The following CRTAC1 variants were observed in gnomAD, a reference collection of about 807,000 sequenced individuals.
CRTAC1 encodes the protein acidic secreted protein in cartilage.
A neutral mutation model predicts 67.8 loss-of-function variants in CRTAC1; 37 were observed. The ratio of observed to expected loss-of-function variants is 0.55; its 90% confidence interval spans 0.42 to 0.72. CRTAC1 has a LOEUF of 0.72. Ranked by LOEUF, CRTAC1 falls within the 30% of genes least tolerant of loss-of-function variation. The probability of loss-of-function intolerance (pLI) is 0.00; values close to 1 mark genes in which losing one functional copy is unlikely to be tolerated. For synonymous variants in CRTAC1, 348 were observed against 371.0 expected, an observed-to-expected ratio of 0.94 and a Z score of 0.71; for missense variants, 780 against 931.6, an observed-to-expected ratio of 0.84 and a Z score of 2.12.
chr10:97,890,546 A>G (rs1221820702), intron 11 of CRTAC1, among the ~76,000 whole-genome samples: 3 of 152,250 alleles, frequency 2.0e-5, no homozygotes, highest in Non-Finnish European at 2.9e-5. Context: ...ATAAAGGCAT[A>G]TCACAAGCAT....
chr10:98,028,833 T>C (rs1843295678), intron 1 of CRTAC1, among the ~76,000 whole-genome samples: 2 of 151,984 alleles, frequency 1.3e-5, no homozygotes, highest in African/African-American at 2.4e-5. Flanking sequence ...ACCCTAGGAG[T>C]TTGAACATCC....
chr10:97,888,171 C>T (rs1364960237), intron 11 of CRTAC1, among the ~76,000 whole-genome samples: 1 of 152,180 alleles, frequency 6.6e-6, no homozygotes, highest in Non-Finnish European at 1.5e-5. Context: ...TGGGATTCAA[C>T]AGAGAATGAG....
chr10:97,964,499 C>T (rs1324249034), intron 2 of CRTAC1, among the ~76,000 whole-genome samples: 1 of 152,176 alleles, frequency 6.6e-6, no homozygotes, highest in Admixed American at 6.5e-5. Context: ...ATAAAACACT[C>T]ATAGGAGAAA....
chr10:97,996,585 C>G (rs1350515840), intron 2 of CRTAC1, among the ~76,000 whole-genome samples: 1 of 152,182 alleles, frequency 6.6e-6, no homozygotes, highest in Non-Finnish European at 1.5e-5. Context: ...CAGGAAACAA[C>G]GGGTGCTGGA....
chr10:97,930,459 G>A (rs891918322), intron 3 of CRTAC1, among the ~76,000 whole-genome samples: 23 of 152,182 alleles, frequency 1.5e-4, no homozygotes, highest in African/African-American at 5.3e-4. Context: ...GAGCCATAGG[G>A]CCATACATCT....
At chr10:97,947,254 G>A (rs2136627290) in intron 2 of CRTAC1, among the ~76,000 whole-genome samples, 1 of 152,298 alleles carries the variant, frequency 6.6e-6, no homozygotes, top group Non-Finnish European at 1.5e-5. Context: ...GACGCACATG[G>A]CATATGATGT....
intron 1 of CRTAC1, among the ~76,000 whole-genome samples, chr10:98,026,608 C>T (rs1035483078): frequency 3.3e-5 from 5 of 152,018 alleles, no homozygotes; most frequent in Admixed American, 1.3e-4. Context: ...TTTTCCTCTC[C>T]GGTGGTCCAC....
chr10:97,917,384 G>A, intron 5 of CRTAC1, 116 bp downstream of exon 5: 1 of 788,924 alleles, frequency 1.3e-6, no homozygotes, highest in Non-Finnish European at 1.8e-6. Flanking sequence ...CCCCTCACCA[G>A]GGACATAAGG....
At chr10:98,001,841 A>G (rs962284244) in intron 2 of CRTAC1, among the ~76,000 whole-genome samples, 9 of 152,260 alleles carry the variant, frequency 5.9e-5, no homozygotes, top group African/African-American at 1.9e-4. Flanking sequence ...GAATCACAAC[A>G]AAGTGATAAG....
chr10:97,988,303 CAA>C (rs2052018411), intron 2 of CRTAC1, among the ~76,000 whole-genome samples: 1 of 152,158 alleles, frequency 6.6e-6, no homozygotes, highest in South Asian at 2.1e-4. Context: ...CTATTGCAAT[CAA>C]AAGAGTTCTG....
At chr10:97,873,807 A>G (rs562797979) in intron 14 of CRTAC1, among the ~76,000 whole-genome samples, 21 of 152,302 alleles carry the variant, frequency 1.4e-4, no homozygotes, top group African/African-American at 5.1e-4. Flanking sequence ...AACGGGTGAT[A>G]CAGATTCTCC....
chr10:97,910,500 A>G (rs142490156), intron 5 of CRTAC1, among the ~76,000 whole-genome samples: 3,543 of 152,284 alleles, frequency 0.023, 130 homozygotes, highest in African/African-American at 0.078. Context: ...GTACTGCTCT[A>G]AAGGGTTGTT....
chr10:97,895,953 T>TC lies in CRTAC1; in HGVS notation c.1248dup (p.Met417AspfsTer46). On this transcript the variant is annotated frameshift_variant, in exon 10 of 15. Coordinates refer to ENST00000370597, the MANE Select transcript of CRTAC1 (RefSeq NM_018058.7). LOFTEE classifies it high-confidence loss of function. This position sits in a 1 kb window ranked among gnomAD's most constrained non-coding sequence, Gnocchi z 4.2. Reference sequence around the variant, plus strand: ...CCATGGGACAAGATGAGGTCCAGCATCCCGTCTCCGTCGAAGTCGGTCACC... The same window carrying TC: ...CCATGGGACAAGATGAGGTCCAGCATCCCCGTCTCCGTCGAAGTCGGTCACC... The TC allele has an allele frequency of 6.2e-7, 1 of 1,614,100 alleles. No homozygotes were observed. The highest frequency in any genetic ancestry group is 8.5e-7 in the Non-Finnish European group (1 of 1,179,996).
chr10:97,971,497 G>A (rs529233774), intron 2 of CRTAC1, among the ~76,000 whole-genome samples: 30 of 152,304 alleles, frequency 2.0e-4, no homozygotes, highest in African/African-American at 6.3e-4. Flanking sequence ...GCCAGGGGCC[G>A]GCGCGAGGAG....
At position 98,006,902 on chromosome 10, in the gene CRTAC1, T is replaced by G. The variant is rs1308506286; in HGVS notation, c.224+4236A>C. ...AATTTTTCAAAATTTCAACTCCTGCTACATGATTCTTAAACAGTGAGTTGA... is the reference window on the plus strand; with the variant it reads ...AATTTTTCAAAATTTCAACTCCTGCGACATGATTCTTAAACAGTGAGTTGA... On this transcript the variant is annotated intron_variant, in intron 2 of 14. Coordinates refer to ENST00000370597, the MANE Select transcript of CRTAC1 (RefSeq NM_018058.7). 2.0e-5 allele frequency among the ~76,000 whole-genome samples: 3 copies of G among 152,238 alleles called. No homozygotes were observed. The East Asian group carries it at 5.8e-4, about 29-fold the overall frequency.
In CRTAC1 at chr10:97,954,998, A is replaced by G. The variant is rs148224892; in HGVS notation, c.225-18632T>C. Among the ~76,000 whole-genome samples the G allele has an allele frequency of 5.9e-5, 9 of 152,276 alleles. No individual in the cohort carries two copies. The East Asian group carries it at 1.7e-3, about 29-fold the overall frequency. ...CTCTTTGGGGGACCACCATTCAACC[A>G]CTACATCCCCTCTGAATTGACACTT... On this transcript the variant is annotated intron_variant, in intron 2 of 14. Transcript: ENST00000370597.
At chr10:98,009,589 T>C (rs980715153) in intron 2 of CRTAC1, among the ~76,000 whole-genome samples, 8 of 152,214 alleles carry the variant, frequency 5.3e-5, no homozygotes, top group Admixed American at 1.3e-4. Context: ...ATAGGGTTTA[T>C]AGATACTAGG....
chr10:97,897,636 G>A (rs754720907), intron 8 of CRTAC1, among the ~76,000 whole-genome samples: 33 of 152,192 alleles, frequency 2.2e-4, no homozygotes, highest in Non-Finnish European at 4.1e-4. Flanking sequence ...GAGGAAAGGG[G>A]TCCCTTTGGG....
At position 98,030,326 on chromosome 10, in the gene CRTAC1, T is replaced by A. The variant is rs1233999133; in HGVS notation, c.24+123A>T. 3.4e-6 allele frequency: 2 copies of A among 585,412 alleles called. No homozygotes were observed. The highest frequency in any genetic ancestry group is 5.2e-6 in the Non-Finnish European group (2 of 386,894). 36.3% of individuals were successfully genotyped at this position (585,412 alleles called of 1,614,324 possible). On this transcript the variant is annotated intron_variant, in intron 1 of 14. Transcript: ENST00000370597. This position sits in a 1 kb window ranked among gnomAD's most constrained non-coding sequence, Gnocchi z 4.2. Reference sequence around the variant, plus strand: ...AGGAGCGAAGCCGCCGCCTTCGCGATCCCAGTCTTCCCGGGTTCCCGGGCG... The same window carrying A: ...AGGAGCGAAGCCGCCGCCTTCGCGAACCCAGTCTTCCCGGGTTCCCGGGCG...
Sources: gnomAD v4.1 joint callset for allele counts (sites outside exome capture counted in the v4.1 genomes callset) on GRCh38, gnomAD v4.1.1 for gene constraint, Gnocchi (gnomAD v3.1) non-coding constraint, MANE v1.5 for transcripts, NCBI Gene and HGNC (gene_info 2026-07-23, HGNC 2026-07-21) for gene names.